RBFOX1: variants seen among roughly 807,000 people sequenced by gnomAD.
The protein encoded by RBFOX1 is RNA binding protein fox-1 homolog 1.
Under a neutral mutation model 57.7 loss-of-function variants are expected in RBFOX1, and 8 were observed. That is an observed-to-expected ratio of 0.14 (90% CI 0.08 to 0.25). The LOEUF (loss-of-function observed/expected upper bound fraction) is 0.25, where lower values mean the gene tolerates loss of function less well. Among genes scored for constraint, RBFOX1 ranks in the 10% least tolerant of loss-of-function variants. The probability of loss-of-function intolerance (pLI) is 1.00; values close to 1 mark genes in which losing one functional copy is unlikely to be tolerated. For synonymous variants in RBFOX1, 326 were observed against 222.4 expected (o/e 1.47, Z -4.15); for missense variants, 611 against 548.5 (o/e 1.11, Z -1.14).
At chr16:6,757,890 G>A (rs1197597948) in intron 3 of RBFOX1, among the ~76,000 whole-genome samples, 3 of 152,120 alleles carry the variant, frequency 2.0e-5, no homozygotes, top group Non-Finnish European at 2.9e-5. Context: ...GTATCAAAAT[G>A]TCACATGTAC....
At chr16:6,187,539 T>G (rs1158218732) in intron 1 of RBFOX1, among the ~76,000 whole-genome samples, 1 of 152,134 alleles carries the variant, frequency 6.6e-6, no homozygotes, top group African/African-American at 2.4e-5. Context: ...CTCACAAGTA[T>G]TGTGTAAGGT....
intron 1 of RBFOX1, among the ~76,000 whole-genome samples, chr16:5,402,676 T>C (rs1446448698): frequency 3.9e-5 from 6 of 152,198 alleles, no homozygotes. Flanking sequence ...CTTATTTTAC[T>C]TGCTGCTGCA....
At chr16:6,478,429 A>ATAT (rs1159954387) in intron 2 of RBFOX1, among the ~76,000 whole-genome samples, 12 of 24,624 alleles carry the variant, frequency 4.9e-4, no homozygotes, top group Non-Finnish European at 6.2e-4. Context: ...ATATATATAT[A>ATAT]TTTTTTTTTT....
chr16:7,461,658 A>G (rs565303176), intron 4 of RBFOX1, among the ~76,000 whole-genome samples: 1 of 152,262 alleles, frequency 6.6e-6, no homozygotes, highest in South Asian at 2.1e-4. Flanking sequence ...GGAATTCATA[A>G]CAACCCCATT....
At chr16:6,757,435 A>C (rs908380475) in intron 3 of RBFOX1, among the ~76,000 whole-genome samples, 2 of 152,228 alleles carry the variant, frequency 1.3e-5, no homozygotes, top group African/African-American at 4.8e-5. Context: ...AATGTGGTAT[A>C]TATGCACAAC....
At chr16:6,662,279 T>G in intron 3 of RBFOX1, among the ~76,000 whole-genome samples, 1 of 151,820 alleles carries the variant, frequency 6.6e-6, no homozygotes, top group South Asian at 2.1e-4. Context: ...AGATCTCAAC[T>G]GTTCTCACAC....
chr16:5,888,724 A>T lies in RBFOX1; in HGVS notation c.351+21389A>T, dbSNP rs187037509. On this transcript the variant is annotated intron_variant, in intron 4 of 19. Transcript: ENST00000641259. Reference sequence around the variant, plus strand: ...GGCAGGAGAATTGCTTGAATCCGGGAGGTGGAGGTTGCGGTGAGGTTGCGA... The same window carrying T: ...GGCAGGAGAATTGCTTGAATCCGGGTGGTGGAGGTTGCGGTGAGGTTGCGA... 4.6e-3 allele frequency among the ~76,000 whole-genome samples: 655 copies of T among 142,284 alleles called. 6 individuals are homozygous for T. Among genetic ancestry groups the T allele is most frequent in the African/African-American group, 0.017 (636 of 38,324 alleles). 93.3% of individuals were successfully genotyped at this position (142,284 alleles called of 152,430 possible). A position where few individuals can be genotyped will look rare whatever the true frequency, so the allele number is the denominator to read the frequency against.
At chr16:6,571,493 T>C (rs2097344076) in intron 2 of RBFOX1, among the ~76,000 whole-genome samples, 1 of 152,170 alleles carries the variant, frequency 6.6e-6, no homozygotes, top group Non-Finnish European at 1.5e-5. Flanking sequence ...TGATTTGAGT[T>C]TTTCTACTTG....
chr16:7,152,850 G>A (rs1408204552), intron 4 of RBFOX1, among the ~76,000 whole-genome samples: 1 of 152,128 alleles, frequency 6.6e-6, no homozygotes, highest in South Asian at 2.1e-4. Context: ...ACCGAGTCTT[G>A]CATGAAGGCA....
intron 3 of RBFOX1, among the ~76,000 whole-genome samples, chr16:6,858,499 A>AGT (rs1183047720): frequency 2.0e-5 from 3 of 152,044 alleles, no homozygotes; most frequent in Admixed American, 6.6e-5. Flanking sequence ...GGTAGAACAT[A>AGT]CTCCTTGAAG....
At chr16:5,720,312 G>A (rs2051881478) in intron 3 of RBFOX1, among the ~76,000 whole-genome samples, 1 of 152,140 alleles carries the variant, frequency 6.6e-6, no homozygotes, top group African/African-American at 2.4e-5. Flanking sequence ...TTTATATGTT[G>A]TGGATCCTAG....
intron 5 of RBFOX1, among the ~76,000 whole-genome samples, chr16:7,550,298 AG>A (rs1408623714): frequency 4.6e-5 from 7 of 151,804 alleles, no homozygotes; most frequent in Non-Finnish European, 8.8e-5. Flanking sequence ...GTTCCGGAGA[AG>A]GGAAGTGGTT....
intron 3 of RBFOX1, among the ~76,000 whole-genome samples, chr16:6,945,552 A>C (rs946817010): frequency 6.6e-6 from 1 of 151,970 alleles, no homozygotes; most frequent in Non-Finnish European, 1.5e-5. Flanking sequence ...TCTGTGACTC[A>C]TGGGCAACCA....
At chr16:6,649,625 C>T (rs1370359230) in intron 2 of RBFOX1, among the ~76,000 whole-genome samples, 1 of 152,142 alleles carries the variant, frequency 6.6e-6, no homozygotes, top group Non-Finnish European at 1.5e-5. Context: ...GTTTCGTTTT[C>T]CATTCGTGAC....
chr16:6,989,887 G>C (rs759022471), intron 3 of RBFOX1, among the ~76,000 whole-genome samples: 10 of 152,046 alleles, frequency 6.6e-5, no homozygotes, highest in Non-Finnish European at 1.0e-4. Context: ...TATAATCCCA[G>C]CTACTCGGGA....
At chr16:6,983,721 C>G (rs1376850171) in intron 3 of RBFOX1, 1 of 152,430 alleles carries the variant, frequency 6.6e-6, no homozygotes, top group African/African-American at 2.4e-5. Context: ...GCTTGAAGGT[C>G]TGCTCTTCTG....
intron 4 of RBFOX1, among the ~76,000 whole-genome samples, chr16:7,502,060 C>A (rs1193864194): frequency 2.0e-5 from 3 of 152,116 alleles, no homozygotes; most frequent in African/African-American, 7.2e-5. Flanking sequence ...AATTTCATTT[C>A]TTCCAAGTCC....
chr16:6,559,950 G>A (rs114697294), intron 2 of RBFOX1, among the ~76,000 whole-genome samples: 2,355 of 152,206 alleles, frequency 0.015, 69 homozygotes, highest in African/African-American at 0.053. Flanking sequence ...AAAGACTGAT[G>A]TTTTCCAACC....
intron 3 of RBFOX1, among the ~76,000 whole-genome samples, chr16:6,781,642 T>A (rs927371212): frequency 1.4e-4 from 22 of 152,166 alleles, no homozygotes; most frequent in Non-Finnish European, 2.9e-4. Flanking sequence ...ATTTCATGTT[T>A]CAATCTTTGT....
Sources: gnomAD v4.1 joint callset for allele counts (sites outside exome capture counted in the v4.1 genomes callset) on GRCh38, gnomAD v4.1.1 for gene constraint, MANE v1.5 for transcripts, NCBI Gene and HGNC (gene_info 2026-07-23, HGNC 2026-07-21) for gene names.